Variants in BECN1 observed in about 807,000 individuals in gnomAD.
BECN1 encodes beclin-1.
BECN1 carries 15 observed loss-of-function variants against 60.1 expected under a neutral mutation model. That is an observed-to-expected ratio of 0.25 (90% CI 0.17 to 0.38). BECN1 has a LOEUF of 0.38. Among genes scored for constraint, BECN1 ranks in the 10% least tolerant of loss-of-function variants. The pLI is 1.00. For synonymous variants in BECN1, 179 were observed against 201.8 expected (o/e 0.89, Z 0.96); for missense variants, 424 against 548.2 (o/e 0.77, Z 2.26).
chr17:42,818,669 G>A lies in BECN1; in HGVS notation c.363C>T (p.Asp121=). Residue 121 remains aspartate, a synonymous_variant, in exon 6 of 12, where the codon GAC becomes GAT. Coordinates refer to ENST00000590099, the MANE Select transcript of BECN1 (RefSeq NM_001313998.2). ...NLSRRLKVTG[D]LFDIMSGQTD... is the part of the protein sequence containing the mutation. Reference sequence around the variant, plus strand: ...TCTGGCCCGACATGATGTCAAAAAGGTCCCCAGTGACCTGGAAGTGTGGGA... The same window carrying A: ...TCTGGCCCGACATGATGTCAAAAAGATCCCCAGTGACCTGGAAGTGTGGGA... 6.2e-7 allele frequency: 1 copy of A among 1,614,164 alleles called. No homozygotes were observed. Among genetic ancestry groups the A allele is most frequent in the Non-Finnish European group, 8.5e-7 (1 of 1,180,028 alleles).
Position 42,818,421 on chromosome 17 carries a change from A to C in BECN1, c.489-6T>G, listed in dbSNP as rs763711757. On this transcript the variant is annotated splice_region_variant and splice_polypyrimidine_tract_variant and intron_variant, in intron 6 of 11. Coordinates refer to ENST00000590099, the MANE Select transcript of BECN1 (RefSeq NM_001313998.2). ...CTAAGATCTCCAAACAGCGTCTGCC[A>C]AAGACACAGGCAGACTATACTTACT... 6.2e-6 allele frequency: 10 copies of C among 1,613,876 alleles called. No individual in the cohort carries two copies. The highest frequency in any genetic ancestry group is 1.7e-5 in the Admixed American group (1 of 60,006).
At position 42,818,876 on chromosome 17, in the gene BECN1, T is replaced by A; in HGVS notation, c.262A>T (p.Met88Leu). ...VSRRFIPPAR[M>L]MSTESANSFT... ...CTGTTGGCACTTTCTGTGGACATCA[T>A]CCTGCAGACAGCCCCCCGCCCACGG... Residue 88 changes from methionine (M) to leucine (L), a missense_variant and splice_region_variant, in exon 5 of 12, where the codon ATG becomes TTG. Physicochemically the swap from Met to Leu is conservative, Grantham distance 15. Coordinates refer to ENST00000590099, the MANE Select transcript of BECN1 (RefSeq NM_001313998.2). 1 of 1,614,088 alleles carries A rather than the reference T, an allele frequency of 6.2e-7. No homozygotes were observed. Among genetic ancestry groups the A allele is most frequent in the Non-Finnish European group, 8.5e-7 (1 of 1,179,980 alleles).
rs1038870989 is a variant in BECN1 at position 42,818,562 on chromosome 17, T to G, written c.470A>C (p.Asn157Thr). Reference protein sequence around the residue: ...QLDTQLNVTENECQNYKRCLE... With the variant: ...QLDTQLNVTETECQNYKRCLE... ...CACTCACTTGTAGTTCTGACACTCA[T>G]TTTCAGTGACGTTGAGCTGAGTGTC... The change falls in exon 6 of 12, where the codon AAT becomes ACT. Residue 157 changes from asparagine (N) to threonine (T), a missense_variant. This residue lies in a region of BECN1 where 326 missense variants were observed against 406.2 expected (regional missense o/e 0.80). Coordinates refer to ENST00000590099, the MANE Select transcript of BECN1 (RefSeq NM_001313998.2). The G allele has an allele frequency of 5.0e-6, 8 of 1,614,054 alleles. No homozygotes were observed. Among genetic ancestry groups the G allele is most frequent in the African/African-American group, 2.7e-5 (2 of 74,912 alleles).
intron 4 of BECN1, 68 bp downstream of exon 4, chr17:42,819,480 G>C: frequency 6.5e-7 from 1 of 1,549,724 alleles, no homozygotes; most frequent in South Asian, 1.2e-5. Context: ...TCCAGGTCTC[G>C]ATTCCTGGAT....
chr17:42,815,160 A>G (rs564957795), intron 8 of BECN1: 9 of 154,810 alleles, frequency 5.8e-5, no homozygotes, highest in Admixed American at 5.0e-4. Context: ...ATGAAGTCCA[A>G]ACCTCTTAAC....
At chr17:42,819,907 G>A (rs773505913) in intron 3 of BECN1, among the ~76,000 whole-genome samples, 32 of 152,038 alleles carry the variant, frequency 2.1e-4, no homozygotes, top group Non-Finnish European at 4.0e-4. Context: ...TAGCAGTCAG[G>A]GGCAGAGGAC....
chr17:42,811,343 AAAG>A (rs1459462558), intron 11 of BECN1: 2 of 303,638 alleles, frequency 6.6e-6, no homozygotes, highest in Non-Finnish European at 1.2e-5. Context: ...AGAAAAATCA[AAAG>A]AAGCATTCCT....
At position 42,814,025 on chromosome 17, in the gene BECN1, A is replaced by G. The variant is rs377530015; in HGVS notation, c.981-17T>C. 1.2e-5 allele frequency: 18 copies of G among 1,560,216 alleles called. No individual in the cohort carries two copies. In the Admixed American group the frequency reaches 2.4e-4, roughly 21 times the overall value. Reference sequence around the variant, plus strand: ...AGTCGGTATCTAAAATAGAGATACAAACAGAGATGGATACAGGACTCCTCC... The same window carrying G: ...AGTCGGTATCTAAAATAGAGATACAGACAGAGATGGATACAGGACTCCTCC... On this transcript the variant is annotated splice_polypyrimidine_tract_variant and intron_variant, in intron 9 of 11. Coordinates refer to ENST00000590099, the MANE Select transcript of BECN1 (RefSeq NM_001313998.2).
At chr17:42,820,035 CA>C (rs1005954854) in intron 3 of BECN1, among the ~76,000 whole-genome samples, 10 of 152,102 alleles carry the variant, frequency 6.6e-5, no homozygotes, top group Non-Finnish European at 1.3e-4. Context: ...CATATGTGAC[CA>C]AAATCTCACA....
At position 42,816,011 on chromosome 17, in the gene BECN1, G is replaced by C; in HGVS notation, c.727C>G (p.Leu243Val). 6.2e-7 allele frequency: 1 copy of C among 1,611,132 alleles called. No homozygotes were observed. The highest frequency in any genetic ancestry group is 8.5e-7 in the Non-Finnish European group (1 of 1,178,542). ...YSEFKRQQLE[L>V]DDELKSVENQ... ...TCAACACTCTTCAGCTCATCATCCA[G>C]CTCCAGCTGCTGTCGTTTAAATTCA... is the stretch of plus-strand genomic sequence containing the variant. The change falls in exon 8 of 12, where the codon CTG becomes GTG. Residue 243 changes from leucine (L) to valine (V), a missense_variant. Coordinates refer to ENST00000590099, the MANE Select transcript of BECN1 (RefSeq NM_001313998.2).
intron 2 of BECN1, 66 bp from the exon 3 acceptor site, chr17:42,820,907 G>T: frequency 1.4e-6 from 2 of 1,408,610 alleles, no homozygotes; most frequent in East Asian, 2.4e-5. Context: ...CTGAAAGTAT[G>T]GGAAAAGAAT....
chr17:42,823,942 T>C, intron 1 of BECN1, 63 bp from the exon 2 acceptor site: 2 of 1,573,764 alleles, frequency 1.3e-6, no homozygotes, highest in Non-Finnish European at 1.7e-6. Flanking sequence ...CGGCCCGGGG[T>C]TACCACATGC....
chr17:42,821,758 G>A (rs115359645), intron 2 of BECN1, among the ~76,000 whole-genome samples: 47 of 152,242 alleles, frequency 3.1e-4, no homozygotes, highest in African/African-American at 1.1e-3. Flanking sequence ...CATAATAATT[G>A]AGCAGAGGAT....
At chr17:42,819,274 G>A in intron 4 of BECN1, 1 of 482,202 alleles carries the variant, frequency 2.1e-6, no homozygotes, top group African/African-American at 2.0e-5. Context: ...CTTCTCAAGA[G>A]CCCATCTCTT....
Position 42,823,982 on chromosome 17 carries a change from C to G in BECN1, c.-2-103G>C, listed in dbSNP as rs115791303. 6,767 of 1,420,470 alleles carry G rather than the reference C, an allele frequency of 4.8e-3. 293 individuals carry two copies. The African/African-American group carries it at 0.085, about 18-fold the overall frequency. 88.0% of individuals were successfully genotyped at this position (1,420,470 alleles called of 1,614,324 possible). A position where few individuals can be genotyped will look rare whatever the true frequency, so the allele number is the denominator to read the frequency against. ...GTGACGATGGTAAAGGGAGGGAAGTCCCAACCTGCGCCGTTCCCTCTAGGA... is the reference window on the plus strand; with the variant it reads ...GTGACGATGGTAAAGGGAGGGAAGTGCCAACCTGCGCCGTTCCCTCTAGGA... On this transcript the variant is annotated intron_variant, in intron 1 of 11. Transcript: ENST00000590099.
chr17:42,810,714 A>G lies in BECN1; in HGVS notation c.*46T>C, dbSNP rs777266674. 6.5e-7 allele frequency: 1 copy of G among 1,526,918 alleles called. No homozygotes were observed. The highest frequency in any genetic ancestry group is 8.8e-7 in the Non-Finnish European group (1 of 1,132,994). The allele number at this position is 1,526,918 out of a possible 1,614,324, so 94.6% of individuals were successfully genotyped here. On this transcript the variant is annotated 3_prime_UTR_variant, in exon 12 of 12. Transcript: ENST00000590099. ...AATTTAAAACATGTTTGCAAACAAA[A>G]CAAAATTAAAAGCCTTTAAGGCAAA...
chr17:42,820,733 T>C, intron 3 of BECN1, 41 bp downstream of exon 3: 1 of 1,514,848 alleles, frequency 6.6e-7, no homozygotes, highest in African/African-American at 1.4e-5. Context: ...TTTGGAATGT[T>C]TACTACATGA....
At chr17:42,823,474 G>A (rs372597267) in intron 2 of BECN1, among the ~76,000 whole-genome samples, 15 of 152,236 alleles carry the variant, frequency 9.9e-5, no homozygotes, top group African/African-American at 2.9e-4. Context: ...GGCTGGTCTC[G>A]AACTCCTGAC....
chr17:42,810,999 A>C, intron 11 of BECN1, 71 bp from the exon 12 acceptor site: 1 of 1,405,618 alleles, frequency 7.1e-7, no homozygotes, highest in South Asian at 1.5e-5. Context: ...CAGGGACTTG[A>C]TCATGGGACC....
Sources: allele counts gnomAD v4.1 joint callset (sites outside exome capture counted in the v4.1 genomes callset), GRCh38; gene constraint gnomAD v4.1.1; regional missense constraint gnomAD v4.1.1; transcripts MANE v1.5; gene names NCBI Gene and HGNC (gene_info 2026-07-23, HGNC 2026-07-21).